The following NDUFB9 variants were observed in gnomAD, a reference collection of about 807,000 sequenced individuals.
NDUFB9 encodes NADH dehydrogenase [ubiquinone] 1 beta subcomplex subunit 9.
In NDUFB9, 24 loss-of-function variants were observed where a neutral mutation model predicts 30.2. The observed-to-expected ratio is 0.80, with a 90% confidence interval of 0.58 to 1.12. NDUFB9 has a LOEUF of 1.12. Among genes scored for constraint, NDUFB9 ranks in the 50% most tolerant of loss-of-function variants. The probability of loss-of-function intolerance (pLI) is 0.00; values close to 1 mark genes in which losing one functional copy is unlikely to be tolerated. For synonymous variants in NDUFB9, 80 were observed against 84.0 expected (o/e 0.95, Z 0.26); for missense variants, 204 against 226.0 (o/e 0.90, Z 0.62).
chr8:124,545,790 A>G (rs1364985198), intron 2 of NDUFB9, among the ~76,000 whole-genome samples: 1 of 152,146 alleles, frequency 6.6e-6, no homozygotes, highest in Non-Finnish European at 1.5e-5. Flanking sequence ...TCAGCCTTCA[A>G]AGGGCTGGGA....
intron 1 of NDUFB9, among the ~76,000 whole-genome samples, chr8:124,542,496 C>T (rs1263899758): frequency 1.3e-5 from 2 of 152,236 alleles, no homozygotes; most frequent in African/African-American, 4.8e-5. Flanking sequence ...CAGCTCCGTA[C>T]TTTCAGGCCC....
intron 1 of NDUFB9, 96 bp from the exon 2 acceptor site, chr8:124,542,991 T>G: frequency 7.5e-7 from 1 of 1,332,460 alleles, no homozygotes; most frequent in Non-Finnish European, 1.1e-6. Flanking sequence ...CCACTGCCCA[T>G]CCAGAAGGTA....
intron 1 of NDUFB9, among the ~76,000 whole-genome samples, chr8:124,541,300 C>T (rs1821975654): frequency 6.6e-6 from 1 of 152,218 alleles, no homozygotes; most frequent in African/African-American, 2.4e-5. Flanking sequence ...TTCCCTGCCT[C>T]CGCTAATGGT....
intron 3 of NDUFB9, among the ~76,000 whole-genome samples, chr8:124,548,118 G>A (rs569074792): frequency 7.0e-4 from 107 of 152,298 alleles, no homozygotes; most frequent in African/African-American, 2.5e-3. Flanking sequence ...ATTCATTTTG[G>A]AAGTGTGAAG....
intron 1 of NDUFB9, among the ~76,000 whole-genome samples, chr8:124,540,766 G>A (rs1046443689): frequency 2.0e-5 from 3 of 151,864 alleles, no homozygotes; most frequent in Non-Finnish European, 2.9e-5. Context: ...GTTCTCTGTG[G>A]TTCCATCCTA....
chr8:124,542,537 ACCT>A (rs1217359399), intron 1 of NDUFB9, among the ~76,000 whole-genome samples: 1 of 151,936 alleles, frequency 6.6e-6, no homozygotes, highest in Admixed American at 6.6e-5. Flanking sequence ...TATTGTCAAA[ACCT>A]CCTAACTGAT....
chr8:124,543,839 C>T (rs1404912410), intron 2 of NDUFB9, among the ~76,000 whole-genome samples: 1 of 152,150 alleles, frequency 6.6e-6, no homozygotes, highest in Admixed American at 6.5e-5. Flanking sequence ...ACGACCATAC[C>T]ATAGCCTCTA....
rs576180546 is a variant in NDUFB9, at chr8:124,539,190, G to A, written c.4G>A (p.Ala2Thr). The A allele has an allele frequency of 3.1e-6, 5 of 1,614,240 alleles. No individual in the cohort carries two copies. In the Admixed American group the frequency reaches 6.7e-5, roughly 22 times the overall value. MAFLASGPYLTH... is the reference protein window; with the variant it reads MTFLASGPYLTH... Reference sequence around the variant, plus strand: ...GCCGGGGAAGGTCAGCGCCGTAATGGCGTTCTTGGCGTCGGGACCCTACCT... The same window carrying A: ...GCCGGGGAAGGTCAGCGCCGTAATGACGTTCTTGGCGTCGGGACCCTACCT... The change falls in exon 1 of 4, where the codon GCG becomes ACG. Residue 2 changes from alanine (A) to threonine (T), a missense_variant. Transcript: ENST00000276689.
At chr8:124,545,585 A>G (rs959207818) in intron 2 of NDUFB9, among the ~76,000 whole-genome samples, 4 of 152,158 alleles carry the variant, frequency 2.6e-5, no homozygotes, top group African/African-American at 4.8e-5. Context: ...CTGGAGTGCA[A>G]TAGCATGATC....
At chr8:124,546,720 G>C (rs1479004838) in intron 2 of NDUFB9, 1 of 516,292 alleles carries the variant, frequency 1.9e-6, no homozygotes, top group Non-Finnish European at 3.5e-6. Context: ...AGACTACTCT[G>C]GATATTTAGA....
intron 3 of NDUFB9, among the ~76,000 whole-genome samples, chr8:124,548,988 G>A (rs970122949): frequency 3.3e-5 from 5 of 152,252 alleles, no homozygotes; most frequent in African/African-American, 1.2e-4. Context: ...TGTGGCCAAA[G>A]GGGGCAGTGT....
intron 1 of NDUFB9, among the ~76,000 whole-genome samples, chr8:124,542,767 C>T (rs1376299883): frequency 6.7e-6 from 1 of 149,900 alleles, no homozygotes; most frequent in Admixed American, 6.6e-5. Flanking sequence ...GTTGAATGAT[C>T]CTGCAGAGGT....
chr8:124,541,696 C>T (rs555138971), intron 1 of NDUFB9, among the ~76,000 whole-genome samples: 3 of 152,154 alleles, frequency 2.0e-5, no homozygotes, highest in South Asian at 2.1e-4. Flanking sequence ...TTCCGTCTCC[C>T]GGGTTCAAGC....
intron 2 of NDUFB9, among the ~76,000 whole-genome samples, chr8:124,544,820 T>C (rs949047677): frequency 1.3e-5 from 2 of 151,810 alleles, no homozygotes; most frequent in Non-Finnish European, 2.9e-5. Flanking sequence ...TGCATAGTTA[T>C]AGTTGCCATA....
chr8:124,548,048 T>C (rs1822208266), intron 3 of NDUFB9, among the ~76,000 whole-genome samples: 1 of 151,834 alleles, frequency 6.6e-6, no homozygotes, highest in Non-Finnish European at 1.5e-5. Context: ...AGTTTGGTGA[T>C]GTTTACTGAG....
chr8:124,539,908 C>T (rs1306094813), intron 1 of NDUFB9, among the ~76,000 whole-genome samples: 1 of 152,094 alleles, frequency 6.6e-6, no homozygotes, highest in Admixed American at 6.5e-5. Context: ...TTTTTCACCT[C>T]TTACATAATT....
At chr8:124,539,588 G>T (rs1586707877) in intron 1 of NDUFB9, 1 of 399,126 alleles carries the variant, frequency 2.5e-6, no homozygotes, top group Admixed American at 3.9e-5. Flanking sequence ...GCCTAAAATT[G>T]TAATTGTCAT....
intron 1 of NDUFB9, among the ~76,000 whole-genome samples, chr8:124,541,407 A>G (rs1821979795): frequency 6.6e-6 from 1 of 152,144 alleles, no homozygotes. Context: ...CTCATACACC[A>G]TGTATAATTA....
chr8:124,547,129 A>T lies in NDUFB9; in HGVS notation c.408+16A>T, dbSNP rs1335070675. The T allele has an allele frequency of 6.3e-7, 1 of 1,581,814 alleles. No individual in the cohort carries two copies. Among genetic ancestry groups the T allele is most frequent in the Admixed American group, 1.7e-5 (1 of 59,966 alleles). On this transcript the variant is annotated intron_variant, in intron 3 of 3. Coordinates refer to ENST00000276689, the MANE Select transcript of NDUFB9 (RefSeq NM_005005.3). Reference sequence around the variant, plus strand: ...GGAACGAGAGGTGCGTTCTACTTGTACTTCGTTATTCCTTAGCTATGTAGA... The same window carrying T: ...GGAACGAGAGGTGCGTTCTACTTGTTCTTCGTTATTCCTTAGCTATGTAGA...
Sources: allele counts gnomAD v4.1 joint callset (sites outside exome capture counted in the v4.1 genomes callset), GRCh38; gene constraint gnomAD v4.1.1; transcripts MANE v1.5; gene names NCBI Gene and HGNC (gene_info 2026-07-23, HGNC 2026-07-21).